THOC7: variants seen among roughly 807,000 people sequenced by gnomAD.
THOC7 encodes THO complex subunit 7, also known as NIF3L1-binding protein 1.
A neutral mutation model predicts 33.1 loss-of-function variants in THOC7; 22 were observed. The observed-to-expected ratio is 0.66, with a 90% confidence interval of 0.47 to 0.95. The LOEUF (loss-of-function observed/expected upper bound fraction) is 0.95, where lower values mean the gene tolerates loss of function less well. Among genes scored for constraint, THOC7 ranks in the 40% least tolerant of loss-of-function variants. The pLI is 0.00. For synonymous variants in THOC7, 77 were observed against 76.8 expected, an observed-to-expected ratio of 1.00 and a Z score of -0.01; for missense variants, 184 against 245.3, an observed-to-expected ratio of 0.75 and a Z score of 1.67.
chr3:63,840,075 G>A (rs868453110), intron 1 of THOC7, among the ~76,000 whole-genome samples: 1 of 152,092 alleles, frequency 6.6e-6, no homozygotes, highest in East Asian at 1.9e-4. Context: ...AAAAGACATC[G>A]TTACAGAGTT....
At chr3:63,854,417 T>G (rs766161262) in intron 1 of THOC7, among the ~76,000 whole-genome samples, 1 of 152,252 alleles carries the variant, frequency 6.6e-6, no homozygotes, top group Non-Finnish European at 1.5e-5. Context: ...AAACCCTCTG[T>G]AAGCAGTTTG....
intron 5 of THOC7, 104 bp from the exon 6 acceptor site, chr3:63,835,494 A>G: frequency 1.0e-6 from 1 of 985,780 alleles, no homozygotes; most frequent in Non-Finnish European, 1.5e-6. Context: ...AAATAAAAAA[A>G]GGGCTTATAA....
At chr3:63,853,383 C>A (rs1702054605) in intron 1 of THOC7, among the ~76,000 whole-genome samples, 1 of 152,268 alleles carries the variant, frequency 6.6e-6, no homozygotes, top group South Asian at 2.1e-4. Flanking sequence ...TCACAGCCAA[C>A]TGCCTAGACC....
intron 1 of THOC7, among the ~76,000 whole-genome samples, chr3:63,845,274 T>C (rs1490254567): frequency 6.6e-6 from 1 of 152,188 alleles, no homozygotes; most frequent in Admixed American, 6.5e-5. Flanking sequence ...TAGGGTTAGT[T>C]TGTACTGTGG....
At chr3:63,857,410 T>G (rs547310119) in intron 1 of THOC7, among the ~76,000 whole-genome samples, 2 of 152,178 alleles carry the variant, frequency 1.3e-5, no homozygotes, top group Non-Finnish European at 2.9e-5. Context: ...CTGGCTTGAT[T>G]TGACCTACTT....
In THOC7 at chr3:63,833,956, C is replaced by G. The variant is rs1025491860; in HGVS notation, c.*176G>C. On this transcript the variant is annotated 3_prime_UTR_variant, in exon 8 of 8. Transcript: ENST00000295899. ...AAAATGCATTTTAATAAAAACAAAT[C>G]TATACTGAAGTCATTTTCCTTTGTG... The G allele has an allele frequency of 2.6e-5, 15 of 566,380 alleles. No homozygotes were observed. The African/African-American group carries it at 2.9e-4, about 11-fold the overall frequency. 35.1% of individuals were successfully genotyped at this position (566,380 alleles called of 1,614,324 possible).
chr3:63,833,949 A>T lies in THOC7; in HGVS notation c.*183T>A. 1 of 542,724 alleles carries T rather than the reference A, an allele frequency of 1.8e-6. No individual in the cohort carries two copies. Among genetic ancestry groups the T allele is most frequent in the South Asian group, 3.4e-5 (1 of 29,044 alleles). The allele number at this position is 542,724 out of a possible 1,614,324, so 33.6% of individuals were successfully genotyped here. ...AGAATAAAAAATGCATTTTAATAAA[A>T]ACAAATCTATACTGAAGTCATTTTC... On this transcript the variant is annotated 3_prime_UTR_variant, in exon 8 of 8. Coordinates refer to ENST00000295899, the MANE Select transcript of THOC7 (RefSeq NM_025075.4).
chr3:63,834,002 A>T lies in THOC7; in HGVS notation c.*130T>A. The T allele has an allele frequency of 1.3e-6, 1 of 775,410 alleles. No homozygotes were observed. Among genetic ancestry groups the T allele is most frequent in the Non-Finnish European group, 2.0e-6 (1 of 494,310 alleles). The allele number at this position is 775,410 out of a possible 1,614,324, so 48.0% of individuals were successfully genotyped here. A position where few individuals can be genotyped will look rare whatever the true frequency, so the allele number is the denominator to read the frequency against. On this transcript the variant is annotated 3_prime_UTR_variant, in exon 8 of 8. Coordinates refer to ENST00000295899, the MANE Select transcript of THOC7 (RefSeq NM_025075.4). Reference sequence around the variant, plus strand: ...TTGTGAGAGGAAATATGAATGAAATACATTCATACTTAAAAACAGAGTATT... The same window carrying T: ...TTGTGAGAGGAAATATGAATGAAATTCATTCATACTTAAAAACAGAGTATT...
At chr3:63,855,443 C>CT (rs1702097224) in intron 1 of THOC7, among the ~76,000 whole-genome samples, 1 of 152,146 alleles carries the variant, frequency 6.6e-6, no homozygotes, top group Non-Finnish European at 1.5e-5. Flanking sequence ...TCTTAAAACT[C>CT]TATGTTTCAT....
chr3:63,845,132 T>C, intron 1 of THOC7: 1 of 662,242 alleles, frequency 1.5e-6, no homozygotes, highest in Non-Finnish European at 2.7e-6. Context: ...CTCCTTCATG[T>C]AGCCCTGAGG....
intron 1 of THOC7, among the ~76,000 whole-genome samples, chr3:63,851,260 A>C (rs894248049): frequency 6.6e-6 from 1 of 152,264 alleles, no homozygotes; most frequent in East Asian, 1.9e-4. Context: ...TGGGGAGGAC[A>C]CAATAAGCTA....
At chr3:63,846,460 T>A (rs1365019454) in intron 1 of THOC7, among the ~76,000 whole-genome samples, 1 of 152,104 alleles carries the variant, frequency 6.6e-6, no homozygotes, top group East Asian at 1.9e-4. Flanking sequence ...CAGGCTGGAG[T>A]GCAAGGGCGC....
At chr3:63,842,552 C>T (rs913926163) in intron 1 of THOC7, among the ~76,000 whole-genome samples, 1 of 152,120 alleles carries the variant, frequency 6.6e-6, no homozygotes, top group East Asian at 1.9e-4. Context: ...TCTGCAGCAA[C>T]CTGGATGGAG....
intron 4 of THOC7, 59 bp downstream of exon 4, chr3:63,837,917 G>A: frequency 7.5e-6 from 11 of 1,467,438 alleles, no homozygotes; most frequent in South Asian, 1.3e-5. Flanking sequence ...ATTAAAAACT[G>A]CATGAAAACT....
intron 1 of THOC7, among the ~76,000 whole-genome samples, chr3:63,853,907 CAAA>C (rs1172783360): frequency 5.6e-5 from 4 of 71,920 alleles, no homozygotes. Context: ...GACTCCGTCT[CAAA>C]AAAAAAAAAA....
At chr3:63,855,002 C>T (rs1425912052) in intron 1 of THOC7, among the ~76,000 whole-genome samples, 2 of 148,032 alleles carry the variant, frequency 1.4e-5, no homozygotes, top group Non-Finnish European at 3.0e-5. Context: ...AGCGAGACTC[C>T]GTCTCAAAAA....
upstream of THOC7, among the ~76,000 whole-genome samples, chr3:63,864,329 G>A (rs1352158862): frequency 2.0e-5 from 3 of 151,934 alleles, no homozygotes; most frequent in African/African-American, 7.2e-5. Context: ...GGAGGGTGAC[G>A]GGGACGCCCG....
At chr3:63,864,405 C>G (rs545785384), upstream of THOC7, 2 of 152,080 alleles carry the variant, frequency 1.3e-5, no homozygotes, top group African/African-American at 2.4e-5. Flanking sequence ...TGGGGGTCCC[C>G]GCGAAGTTGG....
At chr3:63,853,114 G>C (rs965681350) in intron 1 of THOC7, among the ~76,000 whole-genome samples, 2 of 147,648 alleles carry the variant, frequency 1.4e-5, no homozygotes, top group Non-Finnish European at 3.0e-5. Context: ...TCTCGCCACT[G>C]CACTCTAGCC....
Sources: gnomAD v4.1 joint callset for allele counts (sites outside exome capture counted in the v4.1 genomes callset) on GRCh38, gnomAD v4.1.1 for gene constraint, MANE v1.5 for transcripts, NCBI Gene and HGNC (gene_info 2026-07-23, HGNC 2026-07-21) for gene names.